Variants in SHANK2 observed in about 807,000 individuals in gnomAD.
The protein encoded by SHANK2 is SH3 and multiple ankyrin repeat domains protein 2.
A neutral mutation model predicts 133.7 loss-of-function variants in SHANK2; 43 were observed. That is an observed-to-expected ratio of 0.32 (90% CI 0.25 to 0.41). SHANK2 has a LOEUF of 0.41. Among genes scored for constraint, SHANK2 ranks in the 10% least tolerant of loss-of-function variants. The pLI is 1.00. For synonymous variants in SHANK2, 1,017 were observed against 952.8 expected, an observed-to-expected ratio of 1.07 and a Z score of -1.24; for missense variants, 1,994 against 2,235.8, an observed-to-expected ratio of 0.89 and a Z score of 2.18.
intron 17 of SHANK2, among the ~76,000 whole-genome samples, chr11:70,577,148 C>G (rs532175457): frequency 6.6e-6 from 1 of 152,324 alleles, no homozygotes; most frequent in East Asian, 1.9e-4. Flanking sequence ...AGACGTGACA[C>G]CGTGGAGCCC....
intron 11 of SHANK2, among the ~76,000 whole-genome samples, chr11:70,835,914 C>A (rs1948807829): frequency 6.6e-6 from 1 of 152,136 alleles, no homozygotes; most frequent in Non-Finnish European, 1.5e-5. Context: ...CCTCTCGGAC[C>A]TCAGTGGAGG....
At chr11:70,919,021 GGGTGT>G (rs1296341848) in intron 10 of SHANK2, among the ~76,000 whole-genome samples, 5 of 151,922 alleles carry the variant, frequency 3.3e-5, no homozygotes, top group African/African-American at 4.8e-5. Context: ...AAAATGTACC[GGGTGT>G]GGTGGTACGC....
intron 2 of SHANK2, among the ~76,000 whole-genome samples, chr11:71,186,110 T>G (rs1555114441): frequency 6.6e-6 from 1 of 152,188 alleles, no homozygotes; most frequent in Non-Finnish European, 1.5e-5. Context: ...GTGTGATAAA[T>G]TTCACTGGCT....
intron 1 of SHANK2, among the ~76,000 whole-genome samples, chr11:71,227,433 T>A (rs1425533800): frequency 2.6e-5 from 4 of 151,814 alleles, no homozygotes; most frequent in African/African-American, 9.7e-5. Context: ...TATGTTAATA[T>A]TAGATAAAGT....
At chr11:70,760,956 AG>A (rs1253126127) in intron 14 of SHANK2, among the ~76,000 whole-genome samples, 2 of 152,110 alleles carry the variant, frequency 1.3e-5, no homozygotes, top group Non-Finnish European at 2.9e-5. Context: ...GGTCCCCTGG[AG>A]GATGTGCTCA....
chr11:71,215,246 G>A (rs1470162), intron 2 of SHANK2, among the ~76,000 whole-genome samples: 21,338 of 152,172 alleles, frequency 0.14, 1,707 homozygotes, highest in East Asian at 0.29. Context: ...TCTGAGCCTC[G>A]GTGTCCACCA....
intron 12 of SHANK2, 24 bp downstream of exon 12, chr11:70,820,340 C>A (rs868947329): frequency 1.7e-6 from 1 of 603,334 alleles, no homozygotes; most frequent in Non-Finnish European, 3.1e-6. Flanking sequence ...GGTCTTCCTT[C>A]CCTTGGCGTC....
chr11:71,238,050 G>A (rs1954845012), intron 1 of SHANK2, among the ~76,000 whole-genome samples: 1 of 152,180 alleles, frequency 6.6e-6, no homozygotes, highest in Non-Finnish European at 1.5e-5. Context: ...ACTGAGGGTG[G>A]GACTCAGGGG....
chr11:70,567,071 C>T (rs1292005740), intron 17 of SHANK2, among the ~76,000 whole-genome samples: 2 of 152,200 alleles, frequency 1.3e-5, no homozygotes, highest in Non-Finnish European at 2.9e-5. Context: ...TGCTGAATGC[C>T]ACCACCATTG....
At chr11:70,617,615 G>C (rs558989649) in intron 17 of SHANK2, among the ~76,000 whole-genome samples, 5 of 152,300 alleles carry the variant, frequency 3.3e-5, no homozygotes, top group Admixed American at 6.5e-5. Context: ...ACAAAGCCTA[G>C]AGCAAGCTCG....
chr11:70,630,872 A>G (rs1555001877), intron 17 of SHANK2, among the ~76,000 whole-genome samples: 1 of 152,220 alleles, frequency 6.6e-6, no homozygotes, highest in Non-Finnish European at 1.5e-5. Flanking sequence ...GAGCAGCCCC[A>G]GGACACCAGC....
intron 17 of SHANK2, among the ~76,000 whole-genome samples, chr11:70,512,915 G>A (rs1554969498): frequency 6.6e-6 from 1 of 152,170 alleles, no homozygotes. Context: ...ACACTTAATT[G>A]GTAGTTTGGC....
chr11:71,245,777 T>A (rs1954953090), intron 1 of SHANK2, among the ~76,000 whole-genome samples: 1 of 152,158 alleles, frequency 6.6e-6, no homozygotes, highest in Non-Finnish European at 1.5e-5. Flanking sequence ...CCTGCCAAAG[T>A]CCCCTGGTCC....
chr11:70,480,463 C>T (rs534181635), intron 25 of SHANK2, among the ~76,000 whole-genome samples: 7 of 152,318 alleles, frequency 4.6e-5, no homozygotes, highest in Admixed American at 1.3e-4. Flanking sequence ...ATCACAGCCC[C>T]TTTCTGCACT....
intron 3 of SHANK2, among the ~76,000 whole-genome samples, chr11:71,133,346 A>ATAGATGGCTGGCTGGCTGGCTGGCTGGC (rs1952362904): frequency 1.8e-5 from 2 of 111,890 alleles, no homozygotes; most frequent in African/African-American, 7.4e-5. Flanking sequence ...GGGAGGATGC[A>ATAGATGGCTGGCTGGCTGGCTGGCTGGC]TGGCTGGCTG....
chr11:71,167,818 G>A (rs1450390702), intron 2 of SHANK2, among the ~76,000 whole-genome samples: 15 of 136,400 alleles, frequency 1.1e-4, no homozygotes, highest in African/African-American at 2.5e-4. Context: ...CCTCCCTCCC[G>A]GACGGGGCGG....
chr11:71,138,665 A>T (rs1266341792), intron 3 of SHANK2, among the ~76,000 whole-genome samples: 1 of 151,960 alleles, frequency 6.6e-6, no homozygotes, highest in African/African-American at 2.4e-5. Context: ...AAAAAGAAAA[A>T]AAAATCCCAG....
At chr11:70,686,041 A>T (rs1555019460) in intron 15 of SHANK2, among the ~76,000 whole-genome samples, 2 of 57,650 alleles carry the variant, frequency 3.5e-5, no homozygotes, top group African/African-American at 1.3e-4. Flanking sequence ...CCACCCACCC[A>T]CCCATCCACA....
chr11:71,071,778 T>C (rs1174555082), intron 9 of SHANK2, among the ~76,000 whole-genome samples: 5 of 151,992 alleles, frequency 3.3e-5, no homozygotes, highest in African/African-American at 1.2e-4. Flanking sequence ...GGGAATGGCT[T>C]GGGTAAAGGA....
Sources: gnomAD v4.1 joint callset for allele counts (sites outside exome capture counted in the v4.1 genomes callset) on GRCh38, gnomAD v4.1.1 for gene constraint, MANE v1.5 for transcripts, NCBI Gene and HGNC (gene_info 2026-07-23, HGNC 2026-07-21) for gene names.